Variants in HELLS observed in about 807,000 individuals in gnomAD.
HELLS encodes helicase, lymphoid specific.
In HELLS, 32 loss-of-function variants were observed where a neutral mutation model predicts 120.0. That is an observed-to-expected ratio of 0.27 (90% CI 0.20 to 0.36). The LOEUF is 0.36. Ranked by LOEUF, HELLS falls within the 10% of genes least tolerant of loss-of-function variation. The pLI is 1.00. For synonymous variants in HELLS, 341 were observed against 323.4 expected, an observed-to-expected ratio of 1.05 and a Z score of -0.58; for missense variants, 650 against 993.4, an observed-to-expected ratio of 0.65 and a Z score of 4.65.
At chr10:94,608,350 T>G (rs1237075132) in intron 9 of HELLS, among the ~76,000 whole-genome samples, 1 of 152,228 alleles carries the variant, frequency 6.6e-6, no homozygotes. Flanking sequence ...CATGTCACTG[T>G]ATCTTTTATG....
intron 21 of HELLS, among the ~76,000 whole-genome samples, chr10:94,597,977 A>G (rs1382262243): frequency 2.0e-5 from 3 of 151,232 alleles, no homozygotes; most frequent in Middle Eastern, 3.5e-3. Context: ...TTTCCCTGAG[A>G]TAGAAGAGAG....
intron 12 of HELLS, among the ~76,000 whole-genome samples, chr10:94,587,576 C>G (rs1281339867): frequency 6.6e-6 from 1 of 152,000 alleles, no homozygotes; most frequent in African/African-American, 2.4e-5. Flanking sequence ...TACAGGTACC[C>G]GCCAGCACAC....
At chr10:94,613,595 T>C (rs1037466198) in exon 10 of HELLS, 20 of 152,228 alleles carry the variant, frequency 1.3e-4, no homozygotes, top group African/African-American at 4.8e-4. Context: ...TTCATTGTTA[T>C]TTAATTTTGT....
In HELLS at chr10:94,545,850, T is replaced by C. The variant is rs112342097; in HGVS notation, c.-72T>C. On this transcript the variant is annotated 5_prime_UTR_variant, in exon 1 of 22. Coordinates refer to ENST00000348459, the MANE Select transcript of HELLS (RefSeq NM_018063.5). ...GGCTAGAAGGCTGGGCCGGCAGCGG[T>C]TGTGAGGAGTTAGCTCGCGGCATTG... 849 of 1,483,960 alleles carry C rather than the reference T, an allele frequency of 5.7e-4. 3 individuals are homozygous for C. In the African/African-American group the frequency reaches 0.01, roughly 18 times the overall value. The allele number at this position is 1,483,960 out of a possible 1,614,324, so 91.9% of individuals were successfully genotyped here. A position where few individuals can be genotyped will look rare whatever the true frequency, so the allele number is the denominator to read the frequency against.
chr10:94,584,217 A>G (rs1589747711), intron 12 of HELLS: 2 of 426,322 alleles, frequency 4.7e-6, no homozygotes, highest in Non-Finnish European at 4.0e-6. Context: ...CCTTGTGGCC[A>G]TATTCCAACA....
chr10:94,562,052 A>T (rs1210971801), intron 4 of HELLS, among the ~76,000 whole-genome samples: 1 of 148,586 alleles, frequency 6.7e-6, no homozygotes, highest in African/African-American at 2.5e-5. Context: ...AAGTGCTGGG[A>T]TTACAGGCTT....
chr10:94,553,648 A>C (rs1167528151), intron 2 of HELLS, among the ~76,000 whole-genome samples: 1 of 148,634 alleles, frequency 6.7e-6, no homozygotes, highest in Non-Finnish European at 1.5e-5. Context: ...CCCCGGGTTC[A>C]AGCGATTCTC....
At position 94,548,095 on chromosome 10, in the gene HELLS, T is replaced by C. The variant is rs75531463; in HGVS notation, c.153+1597T>C. Among the ~76,000 whole-genome samples the C allele has an allele frequency of 4.4e-3, 677 of 152,348 alleles. 6 individuals carry two copies. The highest frequency in any genetic ancestry group is 0.015 in the African/African-American group (629 of 41,576). On this transcript the variant is annotated intron_variant, in intron 2 of 21. Transcript: ENST00000348459. ...AGTAATGATAAATACTTCATACTAC[T>C]TTTTGATTCTTTCTCACTTTGTTTC...
downstream of HELLS, among the ~76,000 whole-genome samples, chr10:94,603,799 G>A (rs1413480994): frequency 6.6e-6 from 1 of 151,884 alleles, no homozygotes; most frequent in African/African-American, 2.4e-5. Flanking sequence ...TGATTCTAAA[G>A]GAAATCTTGT....
chr10:94,556,570 C>A (rs922877138), intron 3 of HELLS, among the ~76,000 whole-genome samples: 2 of 152,106 alleles, frequency 1.3e-5, no homozygotes, highest in Admixed American at 1.3e-4. Context: ...CCCACTGATT[C>A]CAAAAAATTC....
chr10:94,605,075 C>G (rs1283664371), downstream of HELLS, among the ~76,000 whole-genome samples: 1 of 44,338 alleles, frequency 2.3e-5, no homozygotes, highest in Non-Finnish European at 5.2e-5. Context: ...TTGTGTCTCC[C>G]CCCCCCCCCC....
At chr10:94,580,158 TATATACAC>T (rs1255355053) in intron 10 of HELLS, among the ~76,000 whole-genome samples, 7 of 75,114 alleles carry the variant, frequency 9.3e-5, no homozygotes, top group Admixed American at 5.6e-4. Context: ...TATATATATA[TATATACAC>T]ACACACACAC....
At chr10:94,556,615 T>C (rs1231544327) in intron 3 of HELLS, among the ~76,000 whole-genome samples, 1 of 152,202 alleles carries the variant, frequency 6.6e-6, no homozygotes, top group African/African-American at 2.4e-5. Context: ...CGCCCGTCCC[T>C]ACCCCATGTT....
At chr10:94,568,725 G>T (rs1428343097) in intron 6 of HELLS, among the ~76,000 whole-genome samples, 2 of 152,152 alleles carry the variant, frequency 1.3e-5, no homozygotes, top group Non-Finnish European at 2.9e-5. Flanking sequence ...CACCTGAAAA[G>T]CTGTCACACA....
intron 10 of HELLS, among the ~76,000 whole-genome samples, chr10:94,578,746 C>G (rs912446990): frequency 6.6e-6 from 1 of 152,110 alleles, no homozygotes; most frequent in African/African-American, 2.4e-5. Context: ...TAGCCCTGAG[C>G]TTGTTTTCCA....
chr10:94,545,834 G>C lies in HELLS; in HGVS notation c.-88G>C. 1.4e-6 allele frequency: 2 copies of C among 1,436,688 alleles called. No homozygotes were observed. 89.0% of individuals were successfully genotyped at this position (1,436,688 alleles called of 1,614,324 possible). On this transcript the variant is annotated 5_prime_UTR_variant, in exon 1 of 22. Transcript: ENST00000348459. ...CCCTGGCGGGGGATTTGGCTAGAAGGCTGGGCCGGCAGCGGTTGTGAGGAG... is the reference window on the plus strand; with the variant it reads ...CCCTGGCGGGGGATTTGGCTAGAAGCCTGGGCCGGCAGCGGTTGTGAGGAG...
intron 15 of HELLS, 145 bp from the exon 16 acceptor site, chr10:94,592,083 TG>T: frequency 1.7e-6 from 1 of 578,848 alleles, no homozygotes; most frequent in South Asian, 2.4e-5. Flanking sequence ...AACTATCTTC[TG>T]ATTTTACAAA....
intron 6 of HELLS, among the ~76,000 whole-genome samples, chr10:94,568,344 T>C (rs1449800260): frequency 6.6e-6 from 1 of 152,182 alleles, no homozygotes; most frequent in Non-Finnish European, 1.5e-5. Flanking sequence ...AATTTATCTT[T>C]TCCTCTCTTC....
In HELLS at chr10:94,596,849, A is replaced by AT. The variant is rs763088239; in HGVS notation, c.2249-3dup. ...GGAATTTTAATGTTTTTAATTTCTC[A>AT]TTTTTTTTAGATCATTTCAAAGGTG... On this transcript the variant is annotated splice_polypyrimidine_tract_variant and intron_variant, in intron 19 of 21. Coordinates refer to ENST00000348459, the MANE Select transcript of HELLS (RefSeq NM_018063.5). The AT allele has an allele frequency of 1.2e-4, 159 of 1,322,756 alleles. 2 individuals carry two copies. The Middle Eastern group carries it at 2.3e-3, about 19-fold the overall frequency. The allele number at this position is 1,322,756 out of a possible 1,614,324, so 81.9% of individuals were successfully genotyped here.
Sources: allele counts gnomAD v4.1 joint callset (sites outside exome capture counted in the v4.1 genomes callset), GRCh38; gene constraint gnomAD v4.1.1; transcripts MANE v1.5; gene names NCBI Gene and HGNC (gene_info 2026-07-23, HGNC 2026-07-21).